Variants in NRXN2 observed in about 807,000 individuals in gnomAD.
NRXN2 encodes the protein neurexin 2, also known as neurexin-2-beta.
A neutral mutation model predicts 128.8 loss-of-function variants in NRXN2; 29 were observed. That is an observed-to-expected ratio of 0.23 (90% CI 0.17 to 0.31). NRXN2 has a LOEUF of 0.31. Among genes scored for constraint, NRXN2 ranks in the 10% least tolerant of loss-of-function variants. The pLI, the probability that NRXN2 is intolerant of heterozygous loss-of-function variation, is 1.00. For missense variants in NRXN2, 1,881 were observed against 2,452.6 expected, an observed-to-expected ratio of 0.77 and a Z score of 4.92; for synonymous variants, 1,098 against 1,075.2, an observed-to-expected ratio of 1.02 and a Z score of -0.41.
chr11:64,701,669 G>A (rs2055379759), intron 2 of NRXN2, among the ~76,000 whole-genome samples: 1 of 152,182 alleles, frequency 6.6e-6, no homozygotes, highest in Non-Finnish European at 1.5e-5. Flanking sequence ...AGCCTGGGTG[G>A]TCAAGGCTGC....
rs1484913439 is a variant in NRXN2, at chr11:64,651,057, G to C, written c.2918+198C>G. On this transcript the variant is annotated intron_variant, in intron 14 of 22. Coordinates refer to ENST00000265459, the MANE Select transcript of NRXN2 (RefSeq NM_015080.4). This position sits in a 1 kb window ranked among gnomAD's most constrained non-coding sequence, Gnocchi z 5.9. ...GGGAACTCTGGCAAGGAAGCAGCTG[G>C]GGAGTCAGCAGTGGAAGAGGGTGTG... Among the ~76,000 whole-genome samples the C allele has an allele frequency of 6.6e-6, 1 of 152,194 alleles. No individual in the cohort carries two copies. The highest frequency in any genetic ancestry group is 1.9e-4 in the East Asian group (1 of 5,184).
chr11:64,624,462 A>C (rs2042822667), intron 20 of NRXN2, among the ~76,000 whole-genome samples: 1 of 152,218 alleles, frequency 6.6e-6, no homozygotes, highest in Non-Finnish European at 1.5e-5. Flanking sequence ...CCAAGAGGCC[A>C]AGAGGCAGAG....
At chr11:64,646,733 A>T (rs2046731909) in intron 17 of NRXN2, among the ~76,000 whole-genome samples, 2 of 152,196 alleles carry the variant, frequency 1.3e-5, no homozygotes. Flanking sequence ...AGTTACCATC[A>T]TCTCCAGATC....
chr11:64,682,535 T>G (rs2052462206), intron 6 of NRXN2, among the ~76,000 whole-genome samples: 1 of 152,178 alleles, frequency 6.6e-6, no homozygotes, highest in African/African-American at 2.4e-5. Flanking sequence ...ACTGCATCCT[T>G]GGGGACTCCA....
chr11:64,651,516 A>T lies in NRXN2; in HGVS notation c.2657T>A (p.Val886Glu). ...GTCCATGTAGGGCTGGCCATTGAAC[A>T]CGAGCCCACTCAGATGCCCGATGAA... ...SNFIGHLSGL[V>E]FNGQPYMDQC... is the part of the protein sequence containing the mutation. The change falls in exon 14 of 23, where the codon GTG (valine) becomes GAG (glutamate). Residue 886 changes from valine (V) to glutamate (E), a missense_variant. By Grantham distance (121) the Val-to-Glu change is moderately radical. Transcript: ENST00000265459. This position sits in a 1 kb window ranked among gnomAD's most constrained non-coding sequence, Gnocchi z 5.9. 4 of 1,614,120 alleles carry T rather than the reference A, an allele frequency of 2.5e-6. No homozygotes were observed. Among genetic ancestry groups the T allele is most frequent in the Non-Finnish European group, 3.4e-6 (4 of 1,180,008 alleles).
chr11:64,644,540 C>T (rs1463026050), intron 17 of NRXN2, among the ~76,000 whole-genome samples: 10 of 152,198 alleles, frequency 6.6e-5, no homozygotes, highest in African/African-American at 2.4e-4. Flanking sequence ...GGTTCTGTCC[C>T]CCAAACTTTT....
intron 20 of NRXN2, among the ~76,000 whole-genome samples, chr11:64,626,240 T>C (rs1034179947): frequency 9.9e-5 from 15 of 152,052 alleles, no homozygotes; most frequent in Non-Finnish European, 1.8e-4. Context: ...AGACTCTCCC[T>C]ACTTCTAAGA....
chr11:64,639,081 G>A (rs956566430), intron 17 of NRXN2, among the ~76,000 whole-genome samples: 3 of 152,184 alleles, frequency 2.0e-5, no homozygotes, highest in Middle Eastern at 3.2e-3. Flanking sequence ...CTGCCTGTGT[G>A]CCTGCAGCAT....
rs950654836 is a variant in NRXN2 at position 64,651,982 on chromosome 11, C to A, written c.2536+53G>T. On this transcript the variant is annotated intron_variant, in intron 13 of 22. Coordinates refer to ENST00000265459, the MANE Select transcript of NRXN2 (RefSeq NM_015080.4). This position sits in a 1 kb window ranked among gnomAD's most constrained non-coding sequence, Gnocchi z 5.9. ...GCAGTAGTCACCAAGTAGAACAGGG[C>A]CAAGCATAGGTCACTGGAGATGTGT... 1.9e-6 allele frequency: 3 copies of A among 1,603,582 alleles called. No homozygotes were observed. Among genetic ancestry groups the A allele is most frequent in the Non-Finnish European group, 2.5e-6 (3 of 1,179,708 alleles).
chr11:64,697,901 C>A (rs1555102335), intron 2 of NRXN2, 109 bp from the exon 3 acceptor site: 2 of 1,271,438 alleles, frequency 1.6e-6, no homozygotes, highest in Non-Finnish European at 1.1e-6. Context: ...GGAGTCCAAG[C>A]CCACCCAGGC....
rs1289429442 is a variant in NRXN2 at position 64,660,889 on chromosome 11, G to A, written c.2049C>T (p.Ala683=). Residue 683 remains alanine, a synonymous_variant, in exon 10 of 23, where the codon GCC becomes GCT. Transcript: ENST00000265459. The surrounding 1 kb of genome is among the most constrained non-coding windows in gnomAD (Gnocchi z 5.2). Reference sequence around the variant, plus strand: ...TCAGCGTCTCCCGGGAGCAAAAGGGGGCAACGCCCACAGCCCCCTGAGCCT... The same window carrying A: ...TCAGCGTCTCCCGGGAGCAAAAGGGAGCAACGCCCACAGCCCCCTGAGCCT... ...LAEAQGAVGV[A]PFCSRETLKQ... 6.2e-7 allele frequency: 1 copy of A among 1,613,526 alleles called. No individual in the cohort carries two copies. Among genetic ancestry groups the A allele is most frequent in the Non-Finnish European group, 8.5e-7 (1 of 1,179,746 alleles).
chr11:64,633,378 A>G (rs1015330145), intron 18 of NRXN2, among the ~76,000 whole-genome samples: 5 of 152,102 alleles, frequency 3.3e-5, no homozygotes, highest in Non-Finnish European at 7.4e-5. Flanking sequence ...ATCTCCTTCA[A>G]CCTCCAAACA....
intron 22 of NRXN2, among the ~76,000 whole-genome samples, chr11:64,615,238 ATGG>A (rs1476960129): frequency 6.6e-6 from 1 of 152,230 alleles, no homozygotes; most frequent in Non-Finnish European, 1.5e-5. Context: ...CCTGTTGAAG[ATGG>A]TGCAGCCACA....
chr11:64,627,385 G>A lies in NRXN2; in HGVS notation c.3758-833C>T, dbSNP rs537864904. Among the ~76,000 whole-genome samples, 3 of 149,756 alleles carry A rather than the reference G, an allele frequency of 2.0e-5. No homozygotes were observed. The South Asian group carries it at 6.4e-4, about 32-fold the overall frequency. On this transcript the variant is annotated intron_variant, in intron 19 of 22. Coordinates refer to ENST00000265459, the MANE Select transcript of NRXN2 (RefSeq NM_015080.4). ...TTCGGCCCCTTTCTCCTCCCCTGCA[G>A]ACACCCCCCGCCTTCCTCTGCACCC...
chr11:64,630,275 G>A lies in NRXN2; in HGVS notation c.3757+127C>T, dbSNP rs2043694241. 3.5e-6 allele frequency: 3 copies of A among 864,680 alleles called. No homozygotes were observed. The Admixed American group carries it at 9.1e-5, about 26-fold the overall frequency. 53.6% of individuals were successfully genotyped at this position (864,680 alleles called of 1,614,324 possible). ...CCTCGCAAGCTTCGTCTCTCCAGTAGCCCCGCCCCAGAGCCGCTTAGCCCC... is the reference window on the plus strand; with the variant it reads ...CCTCGCAAGCTTCGTCTCTCCAGTAACCCCGCCCCAGAGCCGCTTAGCCCC... On this transcript the variant is annotated intron_variant, in intron 19 of 22. Transcript: ENST00000265459. The surrounding 1 kb of genome is among the most constrained non-coding windows in gnomAD (Gnocchi z 4.6).
chr11:64,631,319 G>A lies in NRXN2; in HGVS notation c.3586-746C>T, dbSNP rs1027755822. Among the ~76,000 whole-genome samples the A allele has an allele frequency of 6.6e-6, 1 of 152,100 alleles. No individual in the cohort carries two copies. Among genetic ancestry groups the A allele is most frequent in the Admixed American group, 6.5e-5 (1 of 15,270 alleles). The stretch of plus-strand genomic sequence containing the variant: ...GTAGGGGGTGGAGCTAGGGGCTGGG[G>A]AAGGACAGGCAGAGGACAGACAGGG... On this transcript the variant is annotated intron_variant, in intron 18 of 22. Coordinates refer to ENST00000265459, the MANE Select transcript of NRXN2 (RefSeq NM_015080.4). The surrounding 1 kb of genome is among the most constrained non-coding windows in gnomAD (Gnocchi z 4.8).
chr11:64,671,502 C>G (rs554420238), intron 7 of NRXN2, among the ~76,000 whole-genome samples: 74 of 152,288 alleles, frequency 4.9e-4, no homozygotes, highest in Admixed American at 1.1e-3. Flanking sequence ...CAACCTCCCC[C>G]CCACGCATCT....
At chr11:64,619,719 G>A (rs1032883174) in intron 22 of NRXN2, among the ~76,000 whole-genome samples, 4 of 152,162 alleles carry the variant, frequency 2.6e-5, no homozygotes, top group South Asian at 2.1e-4. Flanking sequence ...GCACACTATC[G>A]GATTCAGAGC....
intron 2 of NRXN2, among the ~76,000 whole-genome samples, chr11:64,704,705 G>C (rs893219560): frequency 3.4e-5 from 5 of 148,562 alleles, no homozygotes; most frequent in Non-Finnish European, 7.4e-5. Context: ...CCTCCTACGG[G>C]TGGAGACAGA....
Sources: allele counts gnomAD v4.1 joint callset (sites outside exome capture counted in the v4.1 genomes callset), GRCh38; gene constraint gnomAD v4.1.1; non-coding constraint Gnocchi (gnomAD v3.1); transcripts MANE v1.5; gene names NCBI Gene and HGNC (gene_info 2026-07-23, HGNC 2026-07-21).